The following ZNF608 variants were observed in gnomAD, a reference collection of about 807,000 sequenced individuals.
The protein encoded by ZNF608 is zinc finger protein 608, also known as renal carcinoma antigen NY-REN-36.
A neutral mutation model predicts 109.0 loss-of-function variants in ZNF608; 12 were observed. That is an observed-to-expected ratio of 0.11 (90% CI 0.07 to 0.18). ZNF608 has a LOEUF of 0.18. Among genes scored for constraint, ZNF608 ranks in the 10% least tolerant of loss-of-function variants. ZNF608 has a pLI of 1.00. For synonymous variants in ZNF608, 732 were observed against 717.4 expected (o/e 1.02, Z -0.33); for missense variants, 1,707 against 1,879.3 (o/e 0.91, Z 1.70).
Position 124,641,235 on chromosome 5 carries a change from A to G in ZNF608, c.4450+17T>C, listed in dbSNP as rs776521588. On this transcript the variant is annotated intron_variant, in intron 8 of 9. Transcript: ENST00000513986. ...AAGCAGAATGGACAAAGACACAGTA[A>G]TGATAGAGCTGCTGACCTTGAAAAG... 7 of 1,613,220 alleles carry G rather than the reference A, an allele frequency of 4.3e-6. No homozygotes were observed. Among genetic ancestry groups the G allele is most frequent in the Non-Finnish European group, 5.9e-6 (7 of 1,180,020 alleles).
intron 2 of ZNF608, among the ~76,000 whole-genome samples, chr5:124,740,842 A>G (rs565615700): frequency 1.3e-5 from 2 of 152,326 alleles, no homozygotes; most frequent in East Asian, 3.9e-4. Flanking sequence ...GTTTTTGTAT[A>G]TATTTTTGAA....
chr5:124,655,505 A>G (rs572672100), intron 3 of ZNF608, among the ~76,000 whole-genome samples: 5 of 152,330 alleles, frequency 3.3e-5, no homozygotes, highest in African/African-American at 9.6e-5. Flanking sequence ...CCTCATTCGA[A>G]TAACACCAAA....
chr5:124,659,011 G>A (rs191469099), intron 3 of ZNF608, among the ~76,000 whole-genome samples: 1 of 152,152 alleles, frequency 6.6e-6, no homozygotes, highest in African/African-American at 2.4e-5. Context: ...CACAGGGCCA[G>A]GGTCTGTCAA....
At chr5:124,640,570 G>A (rs1331698592) in intron 8 of ZNF608, among the ~76,000 whole-genome samples, 1 of 152,164 alleles carries the variant, frequency 6.6e-6, no homozygotes. Flanking sequence ...AATTCCTGTT[G>A]TTTAAAGCCA....
Position 124,649,060 on chromosome 5 carries a change from C to T in ZNF608, c.1324G>A (p.Ala442Thr). The change falls in exon 5 of 10, where the codon GCT (alanine) becomes ACT (threonine). Residue 442 changes from alanine (A) to threonine (T), a missense_variant. Around this residue, in one of 7 missense-constraint regions of ZNF608, gnomAD observed 166 missense variants for 204.2 expected, o/e 0.81. Transcript: ENST00000513986. ...RGRGKRARSA[A>T]AAPGSEASFT... ...CTGGCCTCGGAGCCCGGGGCAGCAG[C>T]AGCAGACCTCGCTCTCTTCCCTCTG... The T allele has an allele frequency of 1.9e-6, 3 of 1,614,094 alleles. No homozygotes were observed. Among genetic ancestry groups the T allele is most frequent in the South Asian group, 2.2e-5 (2 of 91,074 alleles).
intron 3 of ZNF608, among the ~76,000 whole-genome samples, chr5:124,651,160 G>A (rs917339569): frequency 1.3e-5 from 2 of 152,228 alleles, no homozygotes; most frequent in Admixed American, 1.3e-4. Flanking sequence ...AATCATAGCT[G>A]ATTCCAATGA....
At chr5:124,709,207 C>T (rs1318316492) in intron 2 of ZNF608, among the ~76,000 whole-genome samples, 1 of 119,490 alleles carries the variant, frequency 8.4e-6, no homozygotes, top group East Asian at 2.4e-4. Flanking sequence ...AATCTGGGTT[C>T]TGCATGGTAC....
At chr5:124,645,624 G>A (rs1426745863) in intron 5 of ZNF608, among the ~76,000 whole-genome samples, 2 of 152,088 alleles carry the variant, frequency 1.3e-5, no homozygotes, top group East Asian at 1.9e-4. Context: ...TAATGCTCAC[G>A]GGGTTGCAGT....
intron 3 of ZNF608, among the ~76,000 whole-genome samples, chr5:124,656,128 G>A (rs1399103808): frequency 2.0e-5 from 3 of 152,124 alleles, no homozygotes; most frequent in Admixed American, 6.6e-5. Context: ...ACACAGTGCT[G>A]CGATTAGTCA....
intron 3 of ZNF608, among the ~76,000 whole-genome samples, chr5:124,672,526 A>C (rs1751771746): frequency 6.6e-6 from 1 of 152,226 alleles, no homozygotes; most frequent in Non-Finnish European, 1.5e-5. Context: ...TACAAAAAGC[A>C]AAAGGACCTT....
intron 3 of ZNF608, among the ~76,000 whole-genome samples, chr5:124,673,249 T>C (rs1751803784): frequency 6.6e-6 from 1 of 152,168 alleles, no homozygotes; most frequent in Non-Finnish European, 1.5e-5. Flanking sequence ...CCAGGAGAAC[T>C]TTCTCCTACA....
At chr5:124,697,685 T>C (rs957835320) in intron 3 of ZNF608, among the ~76,000 whole-genome samples, 1 of 152,224 alleles carries the variant, frequency 6.6e-6, no homozygotes, top group Non-Finnish European at 1.5e-5. Context: ...CTTCATGTAC[T>C]GGCAGTAACA....
At chr5:124,700,901 A>C (rs992427218) in intron 3 of ZNF608, 113 bp downstream of exon 3, 1 of 1,411,092 alleles carries the variant, frequency 7.1e-7, no homozygotes, top group African/African-American at 1.4e-5. Context: ...GGAAATAAAA[A>C]ACACTTTCCA....
intron 2 of ZNF608, among the ~76,000 whole-genome samples, chr5:124,738,003 C>T (rs1253333753): frequency 1.3e-5 from 2 of 152,144 alleles, no homozygotes; most frequent in African/African-American, 4.8e-5. Context: ...CAGAGTGGAA[C>T]GTAAAACCAA....
intron 2 of ZNF608, among the ~76,000 whole-genome samples, chr5:124,705,622 T>C (rs2149857047): frequency 6.6e-6 from 1 of 152,254 alleles, no homozygotes; most frequent in Non-Finnish European, 1.5e-5. Flanking sequence ...CCCCTCCAAA[T>C]GCATGGTTAA....
intron 3 of ZNF608, among the ~76,000 whole-genome samples, chr5:124,665,109 G>A (rs1751422913): frequency 6.6e-6 from 1 of 151,856 alleles, no homozygotes; most frequent in Non-Finnish European, 1.5e-5. Context: ...CCAGGAGGCG[G>A]AGGTTGCAGT....
At chr5:124,651,747 G>A (rs1456596506) in intron 3 of ZNF608, among the ~76,000 whole-genome samples, 2 of 152,262 alleles carry the variant, frequency 1.3e-5, no homozygotes, top group South Asian at 2.1e-4. Context: ...GCCGGCGCCC[G>A]CTGCGAGCAC....
intron 2 of ZNF608, among the ~76,000 whole-genome samples, chr5:124,725,947 C>G (rs1419506602): frequency 1.3e-5 from 2 of 152,134 alleles, no homozygotes; most frequent in Non-Finnish European, 2.9e-5. Flanking sequence ...GAAAAGGGTG[C>G]TATATTCATA....
chr5:124,722,567 C>G (rs1274337168), intron 2 of ZNF608, among the ~76,000 whole-genome samples: 1 of 135,126 alleles, frequency 7.4e-6, no homozygotes. Context: ...TATAAATAAA[C>G]CCTTAAAATA....
Sources: gnomAD v4.1 joint callset for allele counts (sites outside exome capture counted in the v4.1 genomes callset) on GRCh38, gnomAD v4.1.1 for gene constraint, gnomAD v4.1.1 regional missense constraint, MANE v1.5 for transcripts, NCBI Gene and HGNC (gene_info 2026-07-23, HGNC 2026-07-21) for gene names.